TNRC6B: variants seen among roughly 807,000 people sequenced by gnomAD.
The protein encoded by TNRC6B is trinucleotide repeat containing adaptor 6B.
TNRC6B carries 52 observed loss-of-function variants against 203.6 expected under a neutral mutation model. That is an observed-to-expected ratio of 0.26 (90% CI 0.20 to 0.32). The LOEUF (loss-of-function observed/expected upper bound fraction) is 0.32, where lower values mean the gene tolerates loss of function less well. Among genes scored for constraint, TNRC6B ranks in the 10% least tolerant of loss-of-function variants. The probability of loss-of-function intolerance (pLI) is 1.00; values close to 1 mark genes in which losing one functional copy is unlikely to be tolerated. For synonymous variants in TNRC6B, 838 were observed against 845.7 expected (o/e 0.99, Z 0.16); for missense variants, 1,923 against 2,286.2 (o/e 0.84, Z 3.24).
At chr22:40,261,684 G>A (rs2070385181) in intron 3 of TNRC6B, 148 bp from the exon 4 acceptor site, 1 of 577,360 alleles carries the variant, frequency 1.7e-6, no homozygotes, top group Non-Finnish European at 2.7e-6. Flanking sequence ...GCCAAGGTGG[G>A]AGAGTCCCTT....
intron 12 of TNRC6B, among the ~76,000 whole-genome samples, chr22:40,292,946 T>C (rs369215303): frequency 4.5e-4 from 68 of 152,330 alleles, no homozygotes; most frequent in African/African-American, 1.6e-3. Flanking sequence ...ATCTGTTGTT[T>C]TCATTTTGCC....
intron 3 of TNRC6B, among the ~76,000 whole-genome samples, chr22:40,153,125 A>G (rs1474026366): frequency 6.6e-6 from 1 of 152,114 alleles, no homozygotes; most frequent in African/African-American, 2.4e-5. Context: ...TAAATAAAAC[A>G]TTTTTATGTG....
At chr22:40,245,728 G>C (rs74553724) in intron 1 of TNRC6B, among the ~76,000 whole-genome samples, 2 of 143,880 alleles carry the variant, frequency 1.4e-5, no homozygotes, top group Non-Finnish European at 3.1e-5. Context: ...GTGTGTGTGT[G>C]TGTTTGTGTG....
intron 1 of TNRC6B, among the ~76,000 whole-genome samples, chr22:40,080,153 C>G (rs1280301376): frequency 7.6e-6 from 1 of 130,974 alleles, no homozygotes; most frequent in Non-Finnish European, 1.5e-5. Context: ...CCAAGCTGGT[C>G]TCGAACTCCT....
chr22:40,264,857 A>G lies in TNRC6B; in HGVS notation c.627A>G (p.Glu209=). ...CTTGTATTGCCAGCAAAGACACTGA[A>G]TCTTCTTCCGAAAACACCACCGATA... ...EWPCIASKDT[E]SSSENTTDNN... is the part of the protein sequence containing the mutation. The change falls in exon 5 of 23, where the codon GAA becomes GAG. Residue 209 remains glutamate, a synonymous_variant. Coordinates refer to ENST00000454349, the MANE Select transcript of TNRC6B (RefSeq NM_001162501.2). The G allele has an allele frequency of 1.2e-6, 2 of 1,613,890 alleles. No homozygotes were observed. Among genetic ancestry groups the G allele is most frequent in the Middle Eastern group, 1.6e-4 (1 of 6,062 alleles).
chr22:40,277,962 A>G (rs373286751), intron 8 of TNRC6B, 37 bp from the exon 9 acceptor site: 7 of 1,471,964 alleles, frequency 4.8e-6, no homozygotes, highest in East Asian at 2.5e-5. Context: ...AAAGATGTGC[A>G]TCCTTAATTC....
rs977076690 is a variant in TNRC6B, at chr22:40,300,592, TAGA to T, written c.3840+10_3840+12del. The stretch of plus-strand genomic sequence containing the variant: ...AAATTCCCCAGTTTCAGTTGGTAAG[TAGA>T]AGATTTTCTTCCTGTGGCTAAAAAG... On this transcript the variant is annotated splice_region_variant and intron_variant, in intron 13 of 22. Transcript: ENST00000454349. 9.4e-6 allele frequency: 15 copies of T among 1,594,624 alleles called. No individual in the cohort carries two copies. The highest frequency in any genetic ancestry group is 1.2e-5 in the South Asian group (1 of 85,766).
intron 1 of TNRC6B, among the ~76,000 whole-genome samples, chr22:40,196,511 G>T (rs947198900): frequency 2.6e-5 from 4 of 152,048 alleles, no homozygotes; most frequent in Admixed American, 1.3e-4. Flanking sequence ...GGACTTGTTG[G>T]CACCTTTATT....
chr22:40,177,808 G>A, upstream of TNRC6B: 1 of 1,280,558 alleles, frequency 7.8e-7, no homozygotes, highest in Non-Finnish European at 9.9e-7. Flanking sequence ...GTGGAAAAGG[G>A]CTGCTTCCCC....
In TNRC6B at chr22:40,092,010, T is replaced by C. The variant is rs180898832; in HGVS notation, c.-120-25045T>C. On this transcript the variant is annotated intron_variant, in intron 1 of 23. Coordinates refer to the TNRC6B transcript ENST00000301923. ...ATACACCTTACTTAGGACTCAAATA[T>C]GTCTCACAAATAAAATTATTCAGAA... is the stretch of plus-strand genomic sequence containing the variant. Among the ~76,000 whole-genome samples the C allele has an allele frequency of 8.5e-5, 13 of 152,256 alleles. No homozygotes were observed. In the East Asian group the frequency reaches 2.5e-3, roughly 29 times the overall value.
chr22:40,187,625 A>G (rs1453702393), intron 1 of TNRC6B, among the ~76,000 whole-genome samples: 2 of 152,114 alleles, frequency 1.3e-5, no homozygotes, highest in Non-Finnish European at 1.5e-5. Context: ...GATTGCTTTA[A>G]GTCAGTGTCC....
At chr22:40,233,039 TCAG>T (rs2069897326) in intron 1 of TNRC6B, among the ~76,000 whole-genome samples, 1 of 151,920 alleles carries the variant, frequency 6.6e-6, no homozygotes, top group African/African-American at 2.4e-5. Context: ...TCCCAGCTAC[TCAG>T]GAGGCTGAGG....
At chr22:40,088,036 A>C (rs2146294367) in intron 1 of TNRC6B, among the ~76,000 whole-genome samples, 1 of 152,302 alleles carries the variant, frequency 6.6e-6, no homozygotes, top group South Asian at 2.1e-4. Flanking sequence ...ATTCCTGCTT[A>C]CCTTGTACTT....
chr22:40,061,861 G>A (rs1035535986), intron 1 of TNRC6B, among the ~76,000 whole-genome samples: 12 of 152,004 alleles, frequency 7.9e-5, no homozygotes, highest in Non-Finnish European at 1.5e-4. Flanking sequence ...ATCATCTGAC[G>A]TCAGGAGTTC....
chr22:40,050,439 C>T (rs1206435609), intron 1 of TNRC6B, among the ~76,000 whole-genome samples: 1 of 152,156 alleles, frequency 6.6e-6, no homozygotes, highest in Non-Finnish European at 1.5e-5. Context: ...CAAGCCTTTT[C>T]CGGCCTTAAG....
chr22:40,265,897 C>G lies in TNRC6B; in HGVS notation c.1667C>G (p.Pro556Arg). Residue 556 changes from proline to arginine, a missense_variant, in exon 5 of 23, where the codon CCC (proline) becomes CGC (arginine). Physicochemically the swap from Pro to Arg is moderately radical, Grantham distance 103. Transcript: ENST00000454349. ...LPENQGNAQAPCWGRSSSSTG... is the reference protein window; with the variant it reads ...LPENQGNAQARCWGRSSSSTG... ...GAAAACCAAGGCAATGCCCAGGCTC[C>G]CTGTTGGGGAAGATCTTCCAGCTCC... The G allele has an allele frequency of 6.2e-7, 1 of 1,613,992 alleles. No individual in the cohort carries two copies. The highest frequency in any genetic ancestry group is 1.1e-5 in the South Asian group (1 of 91,080).
At chr22:40,317,709 T>C (rs2071277917) in intron 21 of TNRC6B, among the ~76,000 whole-genome samples, 1 of 152,208 alleles carries the variant, frequency 6.6e-6, no homozygotes, top group African/African-American at 2.4e-5. Flanking sequence ...AGGAGCTTCA[T>C]TTGCACCAAG....
At chr22:40,162,572 C>T (rs2068880264) in intron 4 of TNRC6B, among the ~76,000 whole-genome samples, 2 of 152,150 alleles carry the variant, frequency 1.3e-5, no homozygotes, top group Non-Finnish European at 2.9e-5. Flanking sequence ...CTTCAGAACA[C>T]AAATGTTGGT....
intron 2 of TNRC6B, among the ~76,000 whole-genome samples, chr22:40,120,417 G>A (rs954984236): frequency 1.1e-4 from 16 of 152,096 alleles, no homozygotes; most frequent in African/African-American, 3.9e-4. Context: ...TTCCAGTAGG[G>A]TGTGGACTAG....
Sources: allele counts gnomAD v4.1 joint callset (sites outside exome capture counted in the v4.1 genomes callset), GRCh38; gene constraint gnomAD v4.1.1; transcripts MANE v1.5; gene names NCBI Gene and HGNC (gene_info 2026-07-23, HGNC 2026-07-21).